The following LDLRAD4 variants were observed in gnomAD, a reference collection of about 807,000 sequenced individuals.
LDLRAD4 encodes the protein low-density lipoprotein receptor class A domain-containing protein 4.
A neutral mutation model predicts 17.0 loss-of-function variants in LDLRAD4; 5 were observed. That is an observed-to-expected ratio of 0.29 (90% CI 0.15 to 0.62). The LOEUF (loss-of-function observed/expected upper bound fraction) is 0.62. Among genes scored for constraint, LDLRAD4 ranks in the 20% least tolerant of loss-of-function variants. The probability of loss-of-function intolerance (pLI) is 0.84; values close to 1 mark genes in which losing one functional copy is unlikely to be tolerated. For synonymous variants in LDLRAD4, 168 were observed against 171.8 expected (o/e 0.98, Z 0.17); for missense variants, 340 against 424.7 (o/e 0.80, Z 1.75).
chr18:13,333,704 C>G (rs1420965991), intron 1 of LDLRAD4, among the ~76,000 whole-genome samples: 1 of 152,172 alleles, frequency 6.6e-6, no homozygotes, highest in Non-Finnish European at 1.5e-5. Context: ...TGTCAAAGAT[C>G]AATTGACTAT....
At chr18:13,452,992 G>A (rs2091925167) in intron 3 of LDLRAD4, among the ~76,000 whole-genome samples, 1 of 149,020 alleles carries the variant, frequency 6.7e-6, no homozygotes, top group Admixed American at 6.6e-5. Flanking sequence ...AATGACCAGG[G>A]AGAGAAAGGG....
At chr18:13,600,855 C>G (rs1160771955) in intron 3 of LDLRAD4, among the ~76,000 whole-genome samples, 1 of 152,162 alleles carries the variant, frequency 6.6e-6, no homozygotes, top group African/African-American at 2.4e-5. Context: ...GAGTAGCATT[C>G]CTTCTATGAG....
At chr18:13,276,894 AT>A (rs908594750), upstream of LDLRAD4, among the ~76,000 whole-genome samples, 2 of 152,140 alleles carry the variant, frequency 1.3e-5, no homozygotes, top group Non-Finnish European at 2.9e-5. Context: ...CTTTCTGGTT[AT>A]TTCATGGACT....
chr18:13,368,701 G>A (rs561549865), intron 1 of LDLRAD4, among the ~76,000 whole-genome samples: 1 of 152,306 alleles, frequency 6.6e-6, no homozygotes, highest in African/African-American at 2.4e-5. Context: ...TTGTTTGGGA[G>A]CATCTTCAGT....
exon 1 of LDLRAD4, chr18:13,218,953 G>A (rs1363745878): frequency 1.3e-5 from 2 of 152,402 alleles, no homozygotes; most frequent in East Asian, 1.9e-4. Flanking sequence ...ACCCCTTCCC[G>A]GTGCGCCGCC....
intron 2 of LDLRAD4, among the ~76,000 whole-genome samples, chr18:13,395,262 C>G (rs781494449): frequency 6.6e-6 from 1 of 150,986 alleles, no homozygotes; most frequent in Non-Finnish European, 1.5e-5. Flanking sequence ...TGTTCTTCCC[C>G]GTCTTCTTTC....
intron 3 of LDLRAD4, among the ~76,000 whole-genome samples, chr18:13,547,657 T>C (rs1319075189): frequency 6.6e-6 from 1 of 152,186 alleles, no homozygotes; most frequent in African/African-American, 2.4e-5. Context: ...GGCAGCTCCT[T>C]GCTGTGGCTG....
chr18:13,324,034 C>T (rs1007394278), intron 1 of LDLRAD4, among the ~76,000 whole-genome samples: 1 of 152,026 alleles, frequency 6.6e-6, no homozygotes, highest in Admixed American at 6.5e-5. Flanking sequence ...CGCTGCACTC[C>T]ATCCTGGGCA....
At chr18:13,359,888 T>G (rs1307723248) in intron 1 of LDLRAD4, among the ~76,000 whole-genome samples, 1 of 152,282 alleles carries the variant, frequency 6.6e-6, no homozygotes, top group African/African-American at 2.4e-5. Flanking sequence ...GACGCTGTTC[T>G]TGGCTTATGT....
At chr18:13,418,066 G>A (rs1403484466) in intron 2 of LDLRAD4, among the ~76,000 whole-genome samples, 1 of 152,144 alleles carries the variant, frequency 6.6e-6, no homozygotes, top group African/African-American at 2.4e-5. Context: ...GCTGTTTAAG[G>A]TGCTCAGCAG....
intron 4 of LDLRAD4, among the ~76,000 whole-genome samples, chr18:13,640,168 C>G (rs999803209): frequency 1.4e-4 from 21 of 151,578 alleles, no homozygotes; most frequent in Admixed American, 6.6e-5. Context: ...TGGCGGGCGC[C>G]TGTAGTCCCA....
intron 1 of LDLRAD4, among the ~76,000 whole-genome samples, chr18:13,271,056 C>T (rs1022213252): frequency 4.6e-5 from 7 of 152,096 alleles, no homozygotes; most frequent in Non-Finnish European, 7.4e-5. Flanking sequence ...TGGAGGAGAA[C>T]GACCAATAAT....
chr18:13,432,231 G>C (rs1269266244), intron 2 of LDLRAD4, among the ~76,000 whole-genome samples: 1 of 152,164 alleles, frequency 6.6e-6, no homozygotes, highest in Non-Finnish European at 1.5e-5. Context: ...TCGCCCTAAG[G>C]ATCGACTTTT....
At chr18:13,448,033 G>A (rs950594317) in intron 3 of LDLRAD4, among the ~76,000 whole-genome samples, 2 of 152,204 alleles carry the variant, frequency 1.3e-5, no homozygotes, top group Non-Finnish European at 2.9e-5. Context: ...AAGGCCCGCT[G>A]TTACTGATCA....
intron 3 of LDLRAD4, among the ~76,000 whole-genome samples, chr18:13,510,916 A>G (rs1036501383): frequency 9.2e-5 from 14 of 152,242 alleles, no homozygotes; most frequent in African/African-American, 3.4e-4. Flanking sequence ...ACACAAAACA[A>G]AACAGGAAGA....
At chr18:13,502,501 G>A (rs1461686603) in intron 3 of LDLRAD4, among the ~76,000 whole-genome samples, 1 of 152,214 alleles carries the variant, frequency 6.6e-6, no homozygotes, top group African/African-American at 2.4e-5. Flanking sequence ...CATTTTAATT[G>A]TGTGCTGAGC....
chr18:13,384,764 A>AT (rs2085663559), intron 1 of LDLRAD4, among the ~76,000 whole-genome samples: 1 of 152,164 alleles, frequency 6.6e-6, no homozygotes, highest in African/African-American at 2.4e-5. Flanking sequence ...GGCTTATTTC[A>AT]TTTGGCATAA....
intron 3 of LDLRAD4, among the ~76,000 whole-genome samples, chr18:13,580,866 G>A (rs2094846591): frequency 6.6e-6 from 1 of 152,220 alleles, no homozygotes; most frequent in South Asian, 2.1e-4. Flanking sequence ...ACTATTAGAA[G>A]CTTGCCCTTT....
chr18:13,614,026 A>G (rs2039853647), intron 3 of LDLRAD4: 1 of 152,260 alleles, frequency 6.6e-6, no homozygotes, highest in African/African-American at 2.4e-5. Context: ...GTTGCAAAAT[A>G]TGAAAACCTT....
Sources: allele counts gnomAD v4.1 joint callset (sites outside exome capture counted in the v4.1 genomes callset), GRCh38; gene constraint gnomAD v4.1.1; transcripts MANE v1.5; gene names NCBI Gene and HGNC (gene_info 2026-07-23, HGNC 2026-07-21).